CTNNA2: variants seen among roughly 807,000 people sequenced by gnomAD.
CTNNA2 encodes the protein catenin alpha 2.
A neutral mutation model predicts 101.0 loss-of-function variants in CTNNA2; 42 were observed. The observed-to-expected ratio is 0.42, with a 90% confidence interval of 0.32 to 0.54. CTNNA2 has a LOEUF of 0.54. Among genes scored for constraint, CTNNA2 ranks in the 20% least tolerant of loss-of-function variants. CTNNA2 has a pLI of 0.14. For synonymous variants in CTNNA2, 450 were observed against 456.4 expected, an observed-to-expected ratio of 0.99 and a Z score of 0.18; for missense variants, 871 against 1,223.1, an observed-to-expected ratio of 0.71 and a Z score of 4.29.
intron 7 of CTNNA2, among the ~76,000 whole-genome samples, chr2:80,284,669 G>A (rs908159867): frequency 5.3e-5 from 8 of 151,486 alleles, no homozygotes; most frequent in African/African-American, 2.0e-4. Context: ...ATTCCTAATA[G>A]AGGCAGGGCA....
chr2:80,121,603 T>C (rs1483112630), intron 7 of CTNNA2, among the ~76,000 whole-genome samples: 1 of 152,172 alleles, frequency 6.6e-6, no homozygotes, highest in Non-Finnish European at 1.5e-5. Flanking sequence ...AAGGAGCTGA[T>C]GTTCAGTGGA....
intron 7 of CTNNA2, among the ~76,000 whole-genome samples, chr2:80,276,144 T>C (rs1040888217): frequency 9.9e-5 from 15 of 152,186 alleles, no homozygotes; most frequent in Non-Finnish European, 1.8e-4. Context: ...CAATAAGTGA[T>C]TGATTATTTG....
chr2:80,544,938 C>T (rs1159843033), intron 9 of CTNNA2, 44 bp from the exon 10 acceptor site: 5 of 1,544,546 alleles, frequency 3.2e-6, no homozygotes, highest in Non-Finnish European at 4.5e-6. Context: ...GTATACTTTC[C>T]CTTTGCCCCA....
At chr2:80,215,435 G>C (rs1048318192) in intron 7 of CTNNA2, among the ~76,000 whole-genome samples, 2 of 152,158 alleles carry the variant, frequency 1.3e-5, no homozygotes, top group Non-Finnish European at 2.9e-5. Flanking sequence ...TACAGGTGGG[G>C]TTTTGGTGTG....
chr2:80,075,629 TA>T (rs1558783491), intron 7 of CTNNA2, among the ~76,000 whole-genome samples: 116 of 92,286 alleles, frequency 1.3e-3, no homozygotes, highest in Admixed American at 3.7e-3. Context: ...TATAAATATT[TA>T]TACATGTATA....
intron 2 of CTNNA2, among the ~76,000 whole-genome samples, chr2:79,726,583 C>T (rs754749742): frequency 1.3e-5 from 2 of 152,154 alleles, no homozygotes; most frequent in Non-Finnish European, 2.9e-5. Context: ...ACCATCCCTC[C>T]TCCCTCCGAC....
chr2:79,302,549 T>G (rs765428169), intron 2 of CTNNA2, among the ~76,000 whole-genome samples: 1 of 152,162 alleles, frequency 6.6e-6, no homozygotes, highest in Non-Finnish European at 1.5e-5. Context: ...ATATTAGCTG[T>G]CTTCTTAATG....
intron 7 of CTNNA2, among the ~76,000 whole-genome samples, chr2:80,318,412 AG>A (rs1433270294): frequency 6.6e-6 from 1 of 152,070 alleles, no homozygotes; most frequent in Non-Finnish European, 1.5e-5. Context: ...TTCCTGGTGT[AG>A]TGAAGATAGA....
rs572734493 is a variant in CTNNA2 at position 79,463,974 on chromosome 2, G to T, written c.-134-41080G>T. On this transcript the variant is annotated intron_variant, in intron 4 of 21. Transcript: ENST00000466387. The stretch of plus-strand genomic sequence containing the variant: ...TGTTATCATAAGACAGCATGGCCGG[G>T]CTTAAAGAAAGTTTTTTTTTTTTTA... 9.5e-5 allele frequency among the ~76,000 whole-genome samples: 12 copies of T among 126,446 alleles called. No homozygotes were observed. In the Admixed American group the frequency reaches 1.0e-3, roughly 11 times the overall value. The allele number at this position is 126,446 out of a possible 152,430, so 83.0% of individuals were successfully genotyped here.
At chr2:79,779,969 C>A (rs1399937842) in intron 3 of CTNNA2, among the ~76,000 whole-genome samples, 1 of 152,166 alleles carries the variant, frequency 6.6e-6, no homozygotes, top group Non-Finnish European at 1.5e-5. Flanking sequence ...GACCCTAAGT[C>A]TGATAAGAGA....
At chr2:80,313,411 C>A in intron 7 of CTNNA2, 1 of 1,429,314 alleles carries the variant, frequency 7.0e-7, no homozygotes, top group Non-Finnish European at 9.2e-7. Flanking sequence ...TGGTGCCTAC[C>A]CTGTGTGTTC....
intron 1 of CTNNA2, among the ~76,000 whole-genome samples, chr2:79,608,016 C>G (rs936426259): frequency 6.6e-6 from 1 of 151,556 alleles, no homozygotes; most frequent in African/African-American, 2.4e-5. Context: ...TAGTAAGTCT[C>G]TAGCCAGACT....
intron 9 of CTNNA2, among the ~76,000 whole-genome samples, chr2:80,541,542 A>C (rs567990158): frequency 6.6e-6 from 1 of 152,272 alleles, no homozygotes; most frequent in African/African-American, 2.4e-5. Flanking sequence ...ATACACAAAG[A>C]AAAGTTTATT....
intron 1 of CTNNA2, among the ~76,000 whole-genome samples, chr2:79,592,404 C>T (rs1962857): frequency 0.79 from 120,610 of 152,022 alleles, 48,413 homozygotes; most frequent in African/African-American, 0.91. Context: ...AGTGCTGGAA[C>T]TACAGGCATG....
intron 9 of CTNNA2, among the ~76,000 whole-genome samples, chr2:80,504,810 A>T (rs1218359589): frequency 2.0e-5 from 3 of 152,206 alleles, no homozygotes; most frequent in African/African-American, 4.8e-5. Flanking sequence ...CCAGCTTTTT[A>T]AACACGTGGC....
chr2:80,509,329 G>A (rs1688520698), intron 9 of CTNNA2, among the ~76,000 whole-genome samples: 1 of 152,162 alleles, frequency 6.6e-6, no homozygotes, highest in African/African-American at 2.4e-5. Flanking sequence ...ACCAGCCAAG[G>A]TTCAGCAAGA....
At chr2:80,343,453 G>A (rs1049908413) in intron 7 of CTNNA2, among the ~76,000 whole-genome samples, 1 of 150,222 alleles carries the variant, frequency 6.7e-6, no homozygotes, top group African/African-American at 2.4e-5. Context: ...AGTGTTCCAA[G>A]CCTGCAGAGA....
At chr2:79,499,673 A>C (rs1482825383) in intron 4 of CTNNA2, among the ~76,000 whole-genome samples, 1 of 152,180 alleles carries the variant, frequency 6.6e-6, no homozygotes, top group Non-Finnish European at 1.5e-5. Context: ...CACTGGCTAT[A>C]GTATCCCATT....
chr2:80,397,564 G>C (rs1427529831), intron 8 of CTNNA2, among the ~76,000 whole-genome samples: 1 of 152,136 alleles, frequency 6.6e-6, no homozygotes, highest in African/African-American at 2.4e-5. Context: ...TTTTATAAAG[G>C]GGAATTCCCC....
Sources: gnomAD v4.1 joint callset for allele counts (sites outside exome capture counted in the v4.1 genomes callset) on GRCh38, gnomAD v4.1.1 for gene constraint, MANE v1.5 for transcripts, NCBI Gene and HGNC (gene_info 2026-07-23, HGNC 2026-07-21) for gene names.